Variants in SLC9C1 observed in about 807,000 individuals in gnomAD.
SLC9C1 encodes the protein sodium/hydrogen exchanger 10.
SLC9C1 carries 97 observed loss-of-function variants against 140.9 expected under a neutral mutation model. The observed-to-expected ratio is 0.69, with a 90% confidence interval of 0.58 to 0.82. The LOEUF (loss-of-function observed/expected upper bound fraction) is 0.82. SLC9C1 is among the 40% of genes least tolerant of loss of function. The pLI is 0.00. For synonymous variants in SLC9C1, 440 were observed against 442.6 expected (o/e 0.99, Z 0.07); for missense variants, 1,340 against 1,389.3 (o/e 0.96, Z 0.56).
chr3:112,274,650 GC>G (rs1307393017), intron 6 of SLC9C1, among the ~76,000 whole-genome samples: 1 of 152,122 alleles, frequency 6.6e-6, no homozygotes, highest in East Asian at 1.9e-4. Context: ...TTCTGGTTCA[GC>G]CCAGGCCTGT....
chr3:112,251,685 A>G (rs1345876169), intron 10 of SLC9C1, among the ~76,000 whole-genome samples: 1 of 152,128 alleles, frequency 6.6e-6, no homozygotes, highest in African/African-American at 2.4e-5. Context: ...AAGCTCTGAG[A>G]GGGAGGTGCA....
intron 14 of SLC9C1, 61 bp from the exon 15 acceptor site, chr3:112,217,622 T>C: frequency 7.0e-7 from 1 of 1,437,636 alleles, no homozygotes; most frequent in South Asian, 1.5e-5. Flanking sequence ...TTTAATGTTG[T>C]ACTGGAAGTT....
At position 112,172,208 on chromosome 3, in the gene SLC9C1, C is replaced by T. The variant is rs550413967; in HGVS notation, c.2920-2880G>A. ...TATTATGGGCTCTAATCCACAAATA[C>T]GGTGTACTTCTCCATTTATTTAATC... On this transcript the variant is annotated intron_variant, in intron 23 of 28. Transcript: ENST00000305815. Among the ~76,000 whole-genome samples, 15 of 152,112 alleles carry T rather than the reference C, an allele frequency of 9.9e-5. 1 individual carries two copies. Among genetic ancestry groups the T allele is most frequent in the Admixed American group, 5.2e-4 (8 of 15,288 alleles).
chr3:112,266,152 C>T (rs982964400), intron 8 of SLC9C1, 86 bp downstream of exon 8: 7 of 995,968 alleles, frequency 7.0e-6, no homozygotes, highest in African/African-American at 6.8e-5. Context: ...AATCTTACTT[C>T]GACCATGTAG....
intron 4 of SLC9C1, among the ~76,000 whole-genome samples, chr3:112,278,255 C>A (rs746611801): frequency 1.3e-5 from 2 of 152,154 alleles, no homozygotes; most frequent in Non-Finnish European, 2.9e-5. Flanking sequence ...TTCTTGAGGT[C>A]TTTCCCTGAT....
chr3:112,274,724 A>G (rs1312320604), intron 6 of SLC9C1, among the ~76,000 whole-genome samples, 173 bp downstream of exon 6: 2 of 152,204 alleles, frequency 1.3e-5, no homozygotes, highest in Non-Finnish European at 2.9e-5. Flanking sequence ...ACAAATATGT[A>G]ACTAACATTA....
At chr3:112,230,609 T>G (rs1416443330) in intron 13 of SLC9C1, among the ~76,000 whole-genome samples, 1 of 152,098 alleles carries the variant, frequency 6.6e-6, no homozygotes, top group Non-Finnish European at 1.5e-5. Context: ...GAGAGAACAA[T>G]CATACCCTAC....
intron 3 of SLC9C1, 40 bp downstream of exon 3, chr3:112,280,643 C>A (rs1365158943): frequency 2.7e-6 from 4 of 1,508,274 alleles, no homozygotes; most frequent in Non-Finnish European, 3.6e-6. Flanking sequence ...TTATATAATT[C>A]TCAAATAAAT....
rs781126177 is a variant in SLC9C1 at position 112,169,239 on chromosome 3, G to A, written c.3009C>T (p.Leu1003=). ...IKQKMWLKLG[L]AITARKIREH... The stretch of plus-strand genomic sequence containing the variant: ...CTCTGATTTTTCTGGCTGTAATAGC[G>A]AGTCCAAGTTTTAGCCACATTTTTT... Residue 1003 remains leucine, a synonymous_variant, in exon 24 of 29, where the codon CTC becomes CTT. Coordinates refer to ENST00000305815, the MANE Select transcript of SLC9C1 (RefSeq NM_183061.3). The A allele has an allele frequency of 8.1e-6, 13 of 1,613,396 alleles. No homozygotes were observed. Among genetic ancestry groups the A allele is most frequent in the East Asian group, 4.5e-5 (2 of 44,788 alleles).
At chr3:112,215,727 C>T (rs2078344572) in intron 15 of SLC9C1, among the ~76,000 whole-genome samples, 1 of 152,186 alleles carries the variant, frequency 6.6e-6, no homozygotes, top group Non-Finnish European at 1.5e-5. Context: ...AATGGAAGAA[C>T]ATTCCATGCT....
At chr3:112,190,501 G>A (rs2107992891) in intron 20 of SLC9C1, among the ~76,000 whole-genome samples, 1 of 152,148 alleles carries the variant, frequency 6.6e-6, no homozygotes, top group South Asian at 2.1e-4. Flanking sequence ...TTACATTTTA[G>A]TCTACCATAT....
chr3:112,203,382 C>T (rs2077959134), intron 17 of SLC9C1, among the ~76,000 whole-genome samples: 1 of 152,030 alleles, frequency 6.6e-6, no homozygotes, highest in Non-Finnish European at 1.5e-5. Context: ...GTAAATTGTA[C>T]TCTAGCACTA....
At chr3:112,205,867 G>T (rs1299477731) in intron 16 of SLC9C1, among the ~76,000 whole-genome samples, 1 of 80,386 alleles carries the variant, frequency 1.2e-5, no homozygotes, top group Non-Finnish European at 2.6e-5. Context: ...ATGGATTAAA[G>T]ACTTAAACAT....
chr3:112,237,212 T>C (rs1458070581), intron 12 of SLC9C1, among the ~76,000 whole-genome samples: 1 of 152,216 alleles, frequency 6.6e-6, no homozygotes, highest in Non-Finnish European at 1.5e-5. Flanking sequence ...CCCTTTACCA[T>C]TATGTAATGG....
At chr3:112,292,591 T>C (rs1282591044) in intron 1 of SLC9C1, among the ~76,000 whole-genome samples, 1 of 152,200 alleles carries the variant, frequency 6.6e-6, no homozygotes, top group East Asian at 1.9e-4. Flanking sequence ...TCGCCCAGGC[T>C]GGAGTGCAGT....
chr3:112,252,724 AGGCTTTAGAGAGTCAAGGTGACCAG>A (rs891183862), intron 10 of SLC9C1, among the ~76,000 whole-genome samples: 1 of 152,114 alleles, frequency 6.6e-6, no homozygotes, highest in Non-Finnish European at 1.5e-5. Context: ...TGTTGCCTTC[AGGCTTTAGAGAGTCAAGGTGACCAG>A]GGACTGGAGT....
intron 23 of SLC9C1, among the ~76,000 whole-genome samples, chr3:112,179,268 C>G (rs187456532): frequency 6.6e-6 from 1 of 152,116 alleles, no homozygotes; most frequent in East Asian, 1.9e-4. Context: ...ATATGTTAGC[C>G]AATTTCCCCA....
intron 1 of SLC9C1, among the ~76,000 whole-genome samples, chr3:112,288,852 T>A (rs1346187395): frequency 6.6e-6 from 1 of 152,116 alleles, no homozygotes; most frequent in Non-Finnish European, 1.5e-5. Context: ...GGTAGCTTAC[T>A]TTAACACCAC....
At chr3:112,191,901 A>G (rs1213492063) in intron 20 of SLC9C1, among the ~76,000 whole-genome samples, 1 of 152,068 alleles carries the variant, frequency 6.6e-6, no homozygotes, top group Non-Finnish European at 1.5e-5. Context: ...GTCCCTTAAT[A>G]TTATATATTA....
Sources: allele counts gnomAD v4.1 joint callset (sites outside exome capture counted in the v4.1 genomes callset), GRCh38; gene constraint gnomAD v4.1.1; transcripts MANE v1.5; gene names NCBI Gene and HGNC (gene_info 2026-07-23, HGNC 2026-07-21).